The following GNG7 variants were observed in gnomAD, a reference collection of about 807,000 sequenced individuals.
GNG7 encodes guanine nucleotide-binding protein G(I)/G(S)/G(O) subunit gamma-7.
Under a neutral mutation model 4.0 loss-of-function variants are expected in GNG7, and 1 was observed. That is an observed-to-expected ratio of 0.25 (90% CI 0.09 to 1.18). The LOEUF (loss-of-function observed/expected upper bound fraction) is 1.18, where lower values mean the gene tolerates loss of function less well. Among genes scored for constraint, GNG7 ranks in the 50% most tolerant of loss-of-function variants. The pLI, the probability that GNG7 is intolerant of heterozygous loss-of-function variation, is 0.50. For missense variants in GNG7, 86 were observed against 91.9 expected, an observed-to-expected ratio of 0.94 and a Z score of 0.26; for synonymous variants, 34 against 36.9, an observed-to-expected ratio of 0.92 and a Z score of 0.29.
intron 1 of GNG7, among the ~76,000 whole-genome samples, chr19:2,651,328 TCCCTACCTTCCCTCCA>T (rs1982816606): frequency 2.1e-5 from 1 of 48,060 alleles, no homozygotes; most frequent in Non-Finnish European, 3.6e-5. Flanking sequence ...CCTCCCTCCC[TCCCTACCTTCCCTCCA>T]TCCCTCCCTC....
At chr19:2,675,373 G>A (rs1168780213) in intron 1 of GNG7, among the ~76,000 whole-genome samples, 1 of 152,184 alleles carries the variant, frequency 6.6e-6, no homozygotes, top group Non-Finnish European at 1.5e-5. Flanking sequence ...ACCAGGAAGG[G>A]ACAGCTTCGT....
At chr19:2,701,893 G>C (rs1245618003) in intron 1 of GNG7, among the ~76,000 whole-genome samples, 1 of 116,576 alleles carries the variant, frequency 8.6e-6, no homozygotes, top group Non-Finnish European at 1.8e-5. Context: ...AGCTAACCTC[G>C]ACCTACAATT....
At chr19:2,603,839 TTTA>T (rs10647731) in intron 2 of GNG7, among the ~76,000 whole-genome samples, 4 of 150,458 alleles carry the variant, frequency 2.7e-5, no homozygotes, top group East Asian at 3.9e-4. Flanking sequence ...TGCCTGTTCT[TTTA>T]TTATTATTAT....
chr19:2,585,238 T>C (rs1287537820), intron 2 of GNG7, among the ~76,000 whole-genome samples: 3 of 152,202 alleles, frequency 2.0e-5, no homozygotes, highest in Admixed American at 1.3e-4. Context: ...TTAATATGCA[T>C]ACATGCACAA....
intron 1 of GNG7, among the ~76,000 whole-genome samples, chr19:2,652,609 G>A (rs1599443323): frequency 6.6e-6 from 1 of 152,074 alleles, no homozygotes; most frequent in South Asian, 2.1e-4. Context: ...AACAGAGCGA[G>A]ACTCCATCTC....
Position 2,592,977 on chromosome 19 carries a change from A to C in GNG7, c.-77-37789T>G, listed in dbSNP as rs1201621723. On this transcript the variant is annotated intron_variant, in intron 2 of 4. Coordinates refer to ENST00000382159, the MANE Select transcript of GNG7 (RefSeq NM_052847.3). The stretch of plus-strand genomic sequence containing the variant: ...AAGAAAGAAAGAAAGGGAGGGAGGG[A>C]GAGAGGGACGGAGGGAGGGGAAAGG... Among the ~76,000 whole-genome samples, 9 of 137,368 alleles carry C rather than the reference A, an allele frequency of 6.6e-5. No individual in the cohort carries two copies. The East Asian group carries it at 2.2e-3, about 33-fold the overall frequency. The allele number at this position is 137,368 out of a possible 152,430, so 90.1% of individuals were successfully genotyped here.
At position 2,511,703 on chromosome 19, in the gene GNG7, C is replaced by T. The variant is rs1237372190; in HGVS notation, c.*3319G>A. ...GGCCTGGAGGCCTAGCGTTGCGCCT[C>T]GGACACGGTGGCCGGCCCGTCAAAG... On this transcript the variant is annotated 3_prime_UTR_variant, in exon 5 of 5. Coordinates refer to ENST00000382159, the MANE Select transcript of GNG7 (RefSeq NM_052847.3). The surrounding 1 kb of genome is among the most constrained non-coding windows in gnomAD (Gnocchi z 6.3). 9.9e-6 allele frequency: 7 copies of T among 705,432 alleles called. No homozygotes were observed. Among genetic ancestry groups the T allele is most frequent in the South Asian group, 6.4e-5 (1 of 15,748 alleles). The allele number at this position is 705,432 out of a possible 1,614,324, so 43.7% of individuals were successfully genotyped here.
intron 1 of GNG7, among the ~76,000 whole-genome samples, chr19:2,672,216 G>A (rs971400529): frequency 1.3e-5 from 2 of 151,274 alleles, no homozygotes; most frequent in Admixed American, 1.3e-4. Flanking sequence ...TGTATTTTCA[G>A]TAGAGACAGG....
chr19:2,621,532 T>C (rs932683729), intron 2 of GNG7, among the ~76,000 whole-genome samples: 1 of 151,466 alleles, frequency 6.6e-6, no homozygotes. Flanking sequence ...ACCTCATCTC[T>C]ACTAAAAACA....
At chr19:2,692,185 GA>G (rs1913149548) in intron 1 of GNG7, among the ~76,000 whole-genome samples, 1 of 152,212 alleles carries the variant, frequency 6.6e-6, no homozygotes, top group Non-Finnish European at 1.5e-5. Flanking sequence ...CAAGGCCAGC[GA>G]AGTCCAGGCC....
chr19:2,670,040 A>AGGTGTGTG (rs1983411597), intron 1 of GNG7, among the ~76,000 whole-genome samples: 1 of 151,786 alleles, frequency 6.6e-6, no homozygotes, highest in Non-Finnish European at 1.5e-5. Flanking sequence ...GAAAAAGAAA[A>AGGTGTGTG]GGTGTGTGGA....
At chr19:2,531,481 A>C (rs1978583375) in intron 3 of GNG7, among the ~76,000 whole-genome samples, 1 of 152,100 alleles carries the variant, frequency 6.6e-6, no homozygotes, top group Non-Finnish European at 1.5e-5. Context: ...CTCTGGAGGA[A>C]AATAATACGA....
intron 3 of GNG7, among the ~76,000 whole-genome samples, chr19:2,524,940 G>A (rs1403451916): frequency 2.6e-5 from 4 of 152,252 alleles, no homozygotes; most frequent in Middle Eastern, 3.4e-3. Context: ...GCATGTGGAT[G>A]CTTGGGCTGA....
intron 1 of GNG7, among the ~76,000 whole-genome samples, chr19:2,658,966 G>A (rs889661118): frequency 2.0e-5 from 3 of 146,714 alleles, no homozygotes; most frequent in South Asian, 2.1e-4. Flanking sequence ...CGAACCAAGC[G>A]TTCTGATTTT....
chr19:2,602,643 G>A (rs2144813263), intron 2 of GNG7, among the ~76,000 whole-genome samples: 1 of 152,404 alleles, frequency 6.6e-6, no homozygotes, highest in Middle Eastern at 3.4e-3. Context: ...GTCACAGCAT[G>A]TGCTACCTTC....
intron 2 of GNG7, among the ~76,000 whole-genome samples, chr19:2,558,907 TC>T (rs1979650522): frequency 6.6e-6 from 1 of 151,964 alleles, no homozygotes; most frequent in Admixed American, 6.6e-5. Flanking sequence ...CAAGCAATTC[TC>T]CTGCCTCAGA....
intron 2 of GNG7, among the ~76,000 whole-genome samples, chr19:2,625,531 TCTC>T (rs1179939883): frequency 6.6e-6 from 1 of 151,882 alleles, no homozygotes; most frequent in African/African-American, 2.4e-5. Flanking sequence ...ACTTCTCTCT[TCTC>T]CTCGGTCACG....
chr19:2,545,723 G>A (rs927120921), intron 3 of GNG7, among the ~76,000 whole-genome samples: 8 of 151,382 alleles, frequency 5.3e-5, no homozygotes, highest in Non-Finnish European at 1.0e-4. Flanking sequence ...GGAGGCTGAG[G>A]TGGGTGGATC....
intron 2 of GNG7, among the ~76,000 whole-genome samples, chr19:2,606,730 G>C (rs1296375123): frequency 1.3e-5 from 2 of 150,830 alleles, no homozygotes; most frequent in African/African-American, 2.4e-5. Context: ...AAAATAAAAA[G>C]TCAGGATGAG....
Sources: allele counts gnomAD v4.1 joint callset (sites outside exome capture counted in the v4.1 genomes callset), GRCh38; gene constraint gnomAD v4.1.1; non-coding constraint Gnocchi (gnomAD v3.1); transcripts MANE v1.5; gene names NCBI Gene and HGNC (gene_info 2026-07-23, HGNC 2026-07-21).